REST: variants seen among roughly 807,000 people sequenced by gnomAD.
REST encodes RE1-silencing transcription factor.
A neutral mutation model predicts 30.4 loss-of-function variants in REST; 1 was observed. The ratio of observed to expected loss-of-function variants is 0.03; its 90% CI spans 0.01 to 0.16. The LOEUF (loss-of-function observed/expected upper bound fraction) is 0.16, where lower values mean the gene tolerates loss of function less well. Ranked by LOEUF, REST falls within the 10% of genes least tolerant of loss-of-function variation. REST has a pLI of 1.00. For missense variants in REST, 1,259 were observed against 1,329.5 expected (o/e 0.95, Z 0.82); for synonymous variants, 504 against 451.1 (o/e 1.12, Z -1.49).
intron 1 of REST, among the ~76,000 whole-genome samples, chr4:56,909,883 T>A (rs1437970107): frequency 6.6e-6 from 1 of 152,246 alleles, no homozygotes; most frequent in Non-Finnish European, 1.5e-5. Flanking sequence ...TTATTCGTAT[T>A]GAAAAGCTTG....
chr4:56,919,007 A>T (rs1720328321), intron 2 of REST, among the ~76,000 whole-genome samples: 1 of 147,162 alleles, frequency 6.8e-6, no homozygotes, highest in Admixed American at 6.8e-5. Flanking sequence ...TTTAAACGAG[A>T]TGAAGTCTCA....
At chr4:56,923,331 G>A (rs919166193) in intron 3 of REST, among the ~76,000 whole-genome samples, 4 of 152,328 alleles carry the variant, frequency 2.6e-5, no homozygotes, top group African/African-American at 9.6e-5. Context: ...GCAGTGATGC[G>A]ATCATGCCTC....
Position 56,911,124 on chromosome 4 carries a change from G to A in REST, c.486G>A (p.Lys162=), listed in dbSNP as rs1719884860. 4 of 1,614,200 alleles carry A rather than the reference G, an allele frequency of 2.5e-6. No individual in the cohort carries two copies. In the East Asian group the frequency reaches 8.9e-5, roughly 36 times the overall value. ...CGAAGACCAAACCCTTTCGCTGTAAGCCATGCCAATATGAAGCAGAATCTG... is the reference window on the plus strand; with the variant it reads ...CGAAGACCAAACCCTTTCGCTGTAAACCATGCCAATATGAAGCAGAATCTG... ...KSSKTKPFRC[K]PCQYEAESEE... Residue 162 remains lysine (K), a synonymous_variant, in exon 2 of 4, where the codon AAG becomes AAA. Coordinates refer to ENST00000309042, the MANE Select transcript of REST (RefSeq NM_005612.5).
Position 56,931,067 on chromosome 4 carries a change from A to T in REST, c.2209A>T (p.Met737Leu). 1 of 1,386,124 alleles carries T rather than the reference A, an allele frequency of 7.2e-7. No individual in the cohort carries two copies. The highest frequency in any genetic ancestry group is 1.0e-6 in the Non-Finnish European group (1 of 1,002,060). 85.9% of individuals were successfully genotyped at this position (1,386,124 alleles called of 1,614,324 possible). Reference protein sequence around the residue: ...EPVQMELSPPMEVVQKEPVQI... With the variant: ...EPVQMELSPPLEVVQKEPVQI... ...TGTTCAGATGGAGCTGTCTCCTCCC[A>T]TGGAGGTGGTCCAGAAGGAGCCTGT... The change falls in exon 4 of 4, where the codon ATG becomes TTG. Residue 737 changes from methionine to leucine, a missense_variant. This residue lies in a region of REST where 856 missense variants were observed against 772.8 expected (regional missense o/e 1.11). Transcript: ENST00000309042.
In REST at chr4:56,930,409, GAAAAGC is replaced by G. The variant is rs750866042; in HGVS notation, c.1557_1562del (p.Ser519_Lys520del). 1 of 1,613,934 alleles carries G rather than the reference GAAAAGC, an allele frequency of 6.2e-7. No homozygotes were observed. Among genetic ancestry groups the G allele is most frequent in the South Asian group, 1.1e-5 (1 of 91,054 alleles). On this transcript the variant is annotated inframe_deletion, in exon 4 of 4. Transcript: ENST00000309042. The stretch of plus-strand genomic sequence containing the variant: ...ATTCAGAAAAATTCAGTAAAACTAA[GAAAAGC>G]AAAAGGAAGCTGGAAGTTGACAGCC...
chr4:56,910,111 A>G (rs1719827600), intron 1 of REST, among the ~76,000 whole-genome samples: 2 of 152,224 alleles, frequency 1.3e-5, no homozygotes, highest in Admixed American at 1.3e-4. Flanking sequence ...TGCGAAATCC[A>G]ATTAAGTTGA....
chr4:56,920,019 T>A (rs1199898746), intron 3 of REST, 149 bp downstream of exon 3: 1 of 420,312 alleles, frequency 2.4e-6, no homozygotes, highest in African/African-American at 2.0e-5. Flanking sequence ...TCCGTCAATC[T>A]GGGGATTCCT....
intron 2 of REST, among the ~76,000 whole-genome samples, chr4:56,912,167 T>G (rs949068140): frequency 1.3e-5 from 2 of 152,208 alleles, no homozygotes; most frequent in Non-Finnish European, 2.9e-5. Flanking sequence ...AACTTGTCTT[T>G]GTCCACAAAA....
intron 3 of REST, chr4:56,927,618 G>T: frequency 8.4e-7 from 1 of 1,183,800 alleles, no homozygotes; most frequent in Non-Finnish European, 1.1e-6. Flanking sequence ...GGACCAGTGG[G>T]GTATGGATAC....
At chr4:56,924,293 A>G (rs1454791741) in intron 3 of REST, among the ~76,000 whole-genome samples, 1 of 152,226 alleles carries the variant, frequency 6.6e-6, no homozygotes, top group Non-Finnish European at 1.5e-5. Context: ...TTGAGATATA[A>G]TTTATAAATT....
chr4:56,910,983 A>G lies in REST; in HGVS notation c.345A>G (p.Glu115=). 2 of 1,614,140 alleles carry G rather than the reference A, an allele frequency of 1.2e-6. No individual in the cohort carries two copies. The highest frequency in any genetic ancestry group is 1.7e-6 in the Non-Finnish European group (2 of 1,180,030). The change falls in exon 2 of 4, where the codon GAA becomes GAG. Residue 115 remains glutamate (E), a synonymous_variant. Coordinates refer to ENST00000309042, the MANE Select transcript of REST (RefSeq NM_005612.5). The stretch of plus-strand genomic sequence containing the variant: ...AAAACATGGAACTGAGAAGTTTGGA[A>G]CTCAGCGTCGTAGAACCTCAGCCTG... ...GLENMELRSL[E]LSVVEPQPVF...
rs1719700423 is a variant in REST at position 56,908,039 on chromosome 4, A to G, written c.-184A>G. Reference sequence around the variant, plus strand: ...GCCGAGACGGCAGGGCGAGGCCCGGAGGCCTGAGCACCCTCTGCAGCCCCA... The same window carrying G: ...GCCGAGACGGCAGGGCGAGGCCCGGGGGCCTGAGCACCCTCTGCAGCCCCA... On this transcript the variant is annotated 5_prime_UTR_variant, in exon 1 of 4. Transcript: ENST00000309042. The G allele has an allele frequency of 2.9e-6, 1 of 346,868 alleles. No individual in the cohort carries two copies. The allele number at this position is 346,868 out of a possible 1,614,324, so 21.5% of individuals were successfully genotyped here. A position where few individuals can be genotyped will look rare whatever the true frequency, so the allele number is the denominator to read the frequency against.
In REST at chr4:56,935,156, A is replaced by G. The variant is rs900657569; in HGVS notation, c.*3004A>G. 6.6e-6 allele frequency: 1 copy of G among 152,186 alleles called. No individual in the cohort carries two copies. The highest frequency in any genetic ancestry group is 1.5e-5 in the Non-Finnish European group (1 of 68,030). The allele number at this position is 152,186 out of a possible 1,614,324, so 9.4% of individuals were successfully genotyped here. ...CTGTTTTGCGTATGAGTGCTGATAC[A>G]AATTAAAACCCAAGTAGACCTCATT... On this transcript the variant is annotated 3_prime_UTR_variant, in exon 4 of 4. Coordinates refer to ENST00000309042, the MANE Select transcript of REST (RefSeq NM_005612.5).
chr4:56,911,557 C>T, intron 2 of REST, 21 bp downstream of exon 2: 1 of 1,583,350 alleles, frequency 6.3e-7, no homozygotes, highest in Non-Finnish European at 8.6e-7. Flanking sequence ...CTTTCTAGTC[C>T]ATAAGTTCAG....
At position 56,934,351 on chromosome 4, in the gene REST, A is replaced by T. The variant is rs988692511; in HGVS notation, c.*2199A>T. 2.0e-5 allele frequency: 3 copies of T among 152,178 alleles called. No individual in the cohort carries two copies. The highest frequency in any genetic ancestry group is 7.2e-5 in the African/African-American group (3 of 41,454). The allele number at this position is 152,178 out of a possible 1,614,324, so 9.4% of individuals were successfully genotyped here. On this transcript the variant is annotated 3_prime_UTR_variant, in exon 4 of 4. Transcript: ENST00000309042. The stretch of plus-strand genomic sequence containing the variant: ...GAGGTTTTTTTGTGGATTCTTTCAT[A>T]CTGCAAAGAAAAACCATTTGCCTTT...
At chr4:56,924,466 T>C (rs980161996) in intron 3 of REST, among the ~76,000 whole-genome samples, 2 of 152,068 alleles carry the variant, frequency 1.3e-5, no homozygotes, top group Admixed American at 6.6e-5. Context: ...AAGAACATTA[T>C]AGAATTTGTT....
At chr4:56,909,287 C>T (rs1376176342) in intron 1 of REST, 1 of 152,356 alleles carries the variant, frequency 6.6e-6, no homozygotes, top group Non-Finnish European at 1.5e-5. Context: ...CAAAGAGCTG[C>T]TTTGTGTTTG....
At chr4:56,914,365 GC>G (rs1477296781) in intron 2 of REST, among the ~76,000 whole-genome samples, 2 of 152,178 alleles carry the variant, frequency 1.3e-5, no homozygotes, top group African/African-American at 4.8e-5. Context: ...GGATTGCTAA[GC>G]CCCAGCAGAT....
chr4:56,921,570 C>T (rs968822743), intron 3 of REST, among the ~76,000 whole-genome samples: 1 of 152,038 alleles, frequency 6.6e-6, no homozygotes. Context: ...CCACCATACC[C>T]AGCTAATTTT....
Sources: gnomAD v4.1 joint callset for allele counts (sites outside exome capture counted in the v4.1 genomes callset) on GRCh38, gnomAD v4.1.1 for gene constraint, gnomAD v4.1.1 regional missense constraint, MANE v1.5 for transcripts, NCBI Gene and HGNC (gene_info 2026-07-23, HGNC 2026-07-21) for gene names.